The following SLC22A23 variants were observed in gnomAD, a reference collection of about 807,000 sequenced individuals.
The protein encoded by SLC22A23 is solute carrier family 22 member 23, also known as ion transporter protein.
Under a neutral mutation model 61.0 loss-of-function variants are expected in SLC22A23, and 26 were observed. The ratio of observed to expected loss-of-function variants is 0.43; its 90% CI spans 0.31 to 0.59. SLC22A23 has a LOEUF of 0.59. Ranked by LOEUF, SLC22A23 falls within the 20% of genes least tolerant of loss-of-function variation. SLC22A23 has a pLI of 0.11. For synonymous variants in SLC22A23, 430 were observed against 413.9 expected (o/e 1.04, Z -0.47); for missense variants, 796 against 934.7 (o/e 0.85, Z 1.94).
At chr6:3,352,161 T>C (rs1454744309) in intron 3 of SLC22A23, among the ~76,000 whole-genome samples, 1 of 152,114 alleles carries the variant, frequency 6.6e-6, no homozygotes, top group African/African-American at 2.4e-5. Context: ...CAGGGCAGGT[T>C]GTGGAAGGAG....
chr6:3,417,228 C>G (rs1254991040), intron 1 of SLC22A23, among the ~76,000 whole-genome samples: 1 of 152,188 alleles, frequency 6.6e-6, no homozygotes, highest in Non-Finnish European at 1.5e-5. Context: ...CCCTGGACTC[C>G]TTGGGACACA....
intron 1 of SLC22A23, among the ~76,000 whole-genome samples, chr6:3,451,061 T>C (rs368502022): frequency 1.3e-5 from 2 of 152,192 alleles, no homozygotes; most frequent in African/African-American, 4.8e-5. Flanking sequence ...ACAAACATCC[T>C]ACATTTCAAA....
intron 3 of SLC22A23, among the ~76,000 whole-genome samples, chr6:3,350,713 T>C (rs1442443645): frequency 2.0e-5 from 3 of 152,244 alleles, no homozygotes; most frequent in Non-Finnish European, 4.4e-5. Flanking sequence ...ATCCTTCAGT[T>C]TCTAACAGAA....
intron 1 of SLC22A23, among the ~76,000 whole-genome samples, chr6:3,417,688 G>A (rs1009983278): frequency 1.3e-5 from 2 of 152,194 alleles, no homozygotes; most frequent in African/African-American, 4.8e-5. Flanking sequence ...CCTGCCCTGC[G>A]ACTCTGAGAA....
intron 1 of SLC22A23, among the ~76,000 whole-genome samples, chr6:3,448,471 A>G (rs1323294870): frequency 1.3e-5 from 2 of 150,676 alleles, no homozygotes; most frequent in African/African-American, 2.5e-5. Flanking sequence ...AAGATTCAGA[A>G]AGTCCACCAT....
At chr6:3,332,185 C>T (rs930983535) in intron 3 of SLC22A23, among the ~76,000 whole-genome samples, 3 of 152,116 alleles carry the variant, frequency 2.0e-5, no homozygotes, top group African/African-American at 7.2e-5. Flanking sequence ...CCCCAGCTGT[C>T]GGAGGGCAGG....
At chr6:3,361,630 C>G (rs1765454877) in intron 3 of SLC22A23, among the ~76,000 whole-genome samples, 1 of 152,258 alleles carries the variant, frequency 6.6e-6, no homozygotes, top group African/African-American at 2.4e-5. Flanking sequence ...CTCTCTGCAT[C>G]AGCAACACCT....
intron 1 of SLC22A23, among the ~76,000 whole-genome samples, chr6:3,416,618 G>C (rs996748503): frequency 6.6e-6 from 1 of 152,188 alleles, no homozygotes; most frequent in African/African-American, 2.4e-5. Flanking sequence ...TCCCTCTAAG[G>C]GATGTGTGTC....
Position 3,269,371 on chromosome 6 carries a change from G to A in SLC22A23, c.*3684C>T, listed in dbSNP as rs1451077601. 6.6e-6 allele frequency: 1 copy of A among 152,404 alleles called. No individual in the cohort carries two copies. The highest frequency in any genetic ancestry group is 1.5e-5 in the Non-Finnish European group (1 of 68,044). 9.4% of individuals were successfully genotyped at this position (152,404 alleles called of 1,614,324 possible). ...ACGCAGTGAGGTCTGAATGAACACG[G>A]AGGATTTTATTACTCACCATTAATG... On this transcript the variant is annotated 3_prime_UTR_variant, in exon 10 of 10. Transcript: ENST00000406686.
chr6:3,302,103 T>G (rs892948196), intron 4 of SLC22A23, among the ~76,000 whole-genome samples: 1 of 152,250 alleles, frequency 6.6e-6, no homozygotes, highest in Non-Finnish European at 1.5e-5. Flanking sequence ...TATGACTGAT[T>G]CAATCTCATT....
chr6:3,363,057 C>T (rs150519433), intron 3 of SLC22A23, among the ~76,000 whole-genome samples: 321 of 152,324 alleles, frequency 2.1e-3, no homozygotes, highest in African/African-American at 7.3e-3. Flanking sequence ...TCCCGCAGCC[C>T]ACTGCCTGCA....
chr6:3,384,229 GA>G (rs1462467426), intron 3 of SLC22A23, among the ~76,000 whole-genome samples: 2 of 152,214 alleles, frequency 1.3e-5, no homozygotes, highest in African/African-American at 4.8e-5. Context: ...ATCTCACAGT[GA>G]ATCTTTGCAA....
At position 3,296,701 on chromosome 6, in the gene SLC22A23, G is replaced by A. The variant is rs376105754; in HGVS notation, c.1210+1390C>T. Among the ~76,000 whole-genome samples the A allele has an allele frequency of 7.9e-5, 12 of 152,212 alleles. No individual in the cohort carries two copies. In the East Asian group the frequency reaches 1.7e-3, roughly 22 times the overall value. Reference sequence around the variant, plus strand: ...GTCCAGCGAAGCAAAAGCTTCAGGCGTCCCTGGGTAGGCCCCACCCCACCC... The same window carrying A: ...GTCCAGCGAAGCAAAAGCTTCAGGCATCCCTGGGTAGGCCCCACCCCACCC... On this transcript the variant is annotated intron_variant, in intron 5 of 9. Coordinates refer to ENST00000406686, the MANE Select transcript of SLC22A23 (RefSeq NM_015482.2).
At chr6:3,280,762 C>T (rs138864420) in intron 9 of SLC22A23, among the ~76,000 whole-genome samples, 1,702 of 152,226 alleles carry the variant, frequency 0.011, 39 homozygotes, top group African/African-American at 0.038. Context: ...TCCCAAAGTG[C>T]TGGGATTACA....
At chr6:3,282,617 G>A (rs577673110) in intron 9 of SLC22A23, among the ~76,000 whole-genome samples, 10 of 152,308 alleles carry the variant, frequency 6.6e-5, no homozygotes, top group South Asian at 6.2e-4. Flanking sequence ...GTCATTATGC[G>A]GACACCTGGG....
rs1758476919 is a variant in SLC22A23 at position 3,271,567 on chromosome 6, T to A, written c.*1488A>T. 6.6e-6 allele frequency: 1 copy of A among 152,352 alleles called. No homozygotes were observed. The highest frequency in any genetic ancestry group is 6.5e-5 in the Admixed American group (1 of 15,290). 9.4% of individuals were successfully genotyped at this position (152,352 alleles called of 1,614,324 possible). The stretch of plus-strand genomic sequence containing the variant: ...CTCACCCAGGCCCGAGACCACAATT[T>A]CCCTGGAAGGACACAGCCCATGGCA... On this transcript the variant is annotated 3_prime_UTR_variant, in exon 10 of 10. Coordinates refer to ENST00000406686, the MANE Select transcript of SLC22A23 (RefSeq NM_015482.2).
At chr6:3,441,738 C>T (rs891099083) in intron 1 of SLC22A23, among the ~76,000 whole-genome samples, 11 of 152,182 alleles carry the variant, frequency 7.2e-5, no homozygotes, top group African/African-American at 1.4e-4. Context: ...TTCCCTGCCC[C>T]GCTCATCCTG....
At chr6:3,346,549 C>T (rs948272378) in intron 3 of SLC22A23, among the ~76,000 whole-genome samples, 2 of 152,208 alleles carry the variant, frequency 1.3e-5, no homozygotes, top group African/African-American at 2.4e-5. Flanking sequence ...TGCCACACAG[C>T]TTACAAGGGC....
intron 1 of SLC22A23, among the ~76,000 whole-genome samples, chr6:3,436,609 C>T (rs951323343): frequency 1.3e-5 from 2 of 152,138 alleles, no homozygotes; most frequent in African/African-American, 2.4e-5. Flanking sequence ...CCCAGGGATT[C>T]CCAACTCTCT....
Sources: gnomAD v4.1 joint callset for allele counts (sites outside exome capture counted in the v4.1 genomes callset) on GRCh38, gnomAD v4.1.1 for gene constraint, MANE v1.5 for transcripts, NCBI Gene and HGNC (gene_info 2026-07-23, HGNC 2026-07-21) for gene names.